Variants in ROR1 observed in about 807,000 individuals in gnomAD.
ROR1 encodes the protein inactive tyrosine-protein kinase transmembrane receptor ROR1.
Under a neutral mutation model 78.8 loss-of-function variants are expected in ROR1, and 19 were observed. The ratio of observed to expected loss-of-function variants is 0.24; its 90% confidence interval spans 0.17 to 0.35. The LOEUF (loss-of-function observed/expected upper bound fraction) is 0.35. Among genes scored for constraint, ROR1 ranks in the 10% least tolerant of loss-of-function variants. The pLI, the probability that ROR1 is intolerant of heterozygous loss-of-function variation, is 1.00. For missense variants in ROR1, 917 were observed against 1,177.8 expected (o/e 0.78, Z 3.24); for synonymous variants, 386 against 433.6 (o/e 0.89, Z 1.36).
intron 1 of ROR1, among the ~76,000 whole-genome samples, chr1:63,821,080 T>C (rs1346460198): frequency 6.6e-6 from 1 of 152,210 alleles, no homozygotes; most frequent in Non-Finnish European, 1.5e-5. Context: ...CACAGCCCTT[T>C]TTATTCTCAA....
intron 1 of ROR1, among the ~76,000 whole-genome samples, chr1:63,889,964 T>G (rs1342712012): frequency 6.6e-6 from 1 of 152,158 alleles, no homozygotes; most frequent in Non-Finnish European, 1.5e-5. Flanking sequence ...GGTTGGTGTA[T>G]AGATGGTGTT....
chr1:63,891,645 A>T (rs1645397029), intron 1 of ROR1, among the ~76,000 whole-genome samples: 1 of 152,142 alleles, frequency 6.6e-6, no homozygotes, highest in African/African-American at 2.4e-5. Context: ...CTGCCCTCAG[A>T]TATTCATGCC....
At chr1:63,885,053 G>C (rs1364820694) in intron 1 of ROR1, among the ~76,000 whole-genome samples, 1 of 152,090 alleles carries the variant, frequency 6.6e-6, no homozygotes, top group Non-Finnish European at 1.5e-5. Flanking sequence ...TTATCTCCTA[G>C]ATTTATTGTA....
intron 1 of ROR1, among the ~76,000 whole-genome samples, chr1:63,792,304 A>G (rs1165798252): frequency 6.6e-6 from 1 of 152,200 alleles, no homozygotes; most frequent in African/African-American, 2.4e-5. Context: ...TATAGAGTCT[A>G]TACTGTGTGC....
chr1:63,860,812 A>G (rs940805362), intron 1 of ROR1, among the ~76,000 whole-genome samples: 1 of 151,964 alleles, frequency 6.6e-6, no homozygotes, highest in Non-Finnish European at 1.5e-5. Context: ...ATGGAAGGGT[A>G]CAATCTGGTG....
At chr1:63,853,978 T>G (rs1290519711) in intron 1 of ROR1, among the ~76,000 whole-genome samples, 1 of 152,212 alleles carries the variant, frequency 6.6e-6, no homozygotes, top group Non-Finnish European at 1.5e-5. Context: ...TAACTAATGC[T>G]GCTGTGACTG....
At chr1:63,782,603 G>A (rs925380205) in intron 1 of ROR1, among the ~76,000 whole-genome samples, 2 of 148,712 alleles carry the variant, frequency 1.3e-5, no homozygotes, top group African/African-American at 5.1e-5. Context: ...ACTAACATGA[G>A]GTTGTAAATC....
chr1:64,058,491 T>C lies in ROR1; in HGVS notation c.482+7775T>C, dbSNP rs376782090. Among the ~76,000 whole-genome samples the C allele has an allele frequency of 1.2e-3, 178 of 152,164 alleles. 1 individual carries two copies. The highest frequency in any genetic ancestry group is 4.0e-3 in the African/African-American group (166 of 41,540). On this transcript the variant is annotated intron_variant, in intron 4 of 8. Coordinates refer to ENST00000371079, the MANE Select transcript of ROR1 (RefSeq NM_005012.4). ...TTTCCATAGATGCCACTTATTAGAT[T>C]GAGAAAATTCCCTATTATTCCTATT...
At chr1:63,854,341 C>G (rs1645135016) in intron 1 of ROR1, among the ~76,000 whole-genome samples, 1 of 152,190 alleles carries the variant, frequency 6.6e-6, no homozygotes, top group Non-Finnish European at 1.5e-5. Context: ...GCATTTTCTT[C>G]CTCCTGTGTA....
At chr1:63,895,178 G>T (rs6676432) in intron 1 of ROR1, among the ~76,000 whole-genome samples, 8,247 of 152,174 alleles carry the variant, frequency 0.054, 754 homozygotes, top group African/African-American at 0.19. Flanking sequence ...TTTAATGGCG[G>T]GATAGTTGGC....
At chr1:63,868,178 G>A (rs1645228985) in intron 1 of ROR1, among the ~76,000 whole-genome samples, 1 of 152,092 alleles carries the variant, frequency 6.6e-6, no homozygotes, top group Non-Finnish European at 1.5e-5. Flanking sequence ...CCAACGCTAT[G>A]ACAATTGCTC....
chr1:64,024,944 G>C (rs1185953198), intron 2 of ROR1, among the ~76,000 whole-genome samples: 2 of 151,914 alleles, frequency 1.3e-5, no homozygotes, highest in African/African-American at 4.8e-5. Context: ...CTGATCTTTT[G>C]TTTGAAATCT....
At chr1:63,870,673 G>A (rs544525669) in intron 1 of ROR1, among the ~76,000 whole-genome samples, 1 of 152,300 alleles carries the variant, frequency 6.6e-6, no homozygotes, top group South Asian at 2.1e-4. Flanking sequence ...TGTTCTTGCT[G>A]TCTCTGTCTG....
chr1:64,071,393 G>T (rs1015943071), intron 4 of ROR1, among the ~76,000 whole-genome samples: 1 of 152,192 alleles, frequency 6.6e-6, no homozygotes, highest in Non-Finnish European at 1.5e-5. Context: ...CCAGGTCGGG[G>T]TAGGTGAGTT....
chr1:63,832,124 C>A (rs1644992356), intron 1 of ROR1, among the ~76,000 whole-genome samples: 1 of 152,134 alleles, frequency 6.6e-6, no homozygotes, highest in Admixed American at 6.6e-5. Flanking sequence ...CCTCATTGTC[C>A]ATATCACAAT....
At chr1:63,909,545 A>G (rs1344177919) in intron 1 of ROR1, among the ~76,000 whole-genome samples, 1 of 152,006 alleles carries the variant, frequency 6.6e-6, no homozygotes, top group African/African-American at 2.4e-5. Flanking sequence ...TTTACCCTCA[A>G]CTTGACCTTC....
rs138572562 is a variant in ROR1 at position 63,969,864 on chromosome 1, A to G, written c.92-39441A>G. Among the ~76,000 whole-genome samples, 897 of 152,260 alleles carry G rather than the reference A, an allele frequency of 5.9e-3. 9 individuals carry two copies. The highest frequency in any genetic ancestry group is 0.021 in the African/African-American group (867 of 41,546). ...CTCTGATCACATGACTCCTCTGCAC[A>G]GTGCCTCCTGCCTGGCTGCCCACTG... On this transcript the variant is annotated intron_variant, in intron 1 of 8. Coordinates refer to ENST00000371079, the MANE Select transcript of ROR1 (RefSeq NM_005012.4).
intron 1 of ROR1, among the ~76,000 whole-genome samples, chr1:63,837,980 C>G (rs1370853445): frequency 6.6e-6 from 1 of 152,084 alleles, no homozygotes; most frequent in Non-Finnish European, 1.5e-5. Context: ...AGCTGAAAAA[C>G]TCCTAGAGAG....
chr1:63,929,955 G>A (rs1346029991), intron 1 of ROR1, among the ~76,000 whole-genome samples: 1 of 152,166 alleles, frequency 6.6e-6, no homozygotes, highest in Non-Finnish European at 1.5e-5. Context: ...TGTAGACAGA[G>A]TGTTAGGACT....
Sources: allele counts gnomAD v4.1 joint callset (sites outside exome capture counted in the v4.1 genomes callset), GRCh38; gene constraint gnomAD v4.1.1; transcripts MANE v1.5; gene names NCBI Gene and HGNC (gene_info 2026-07-23, HGNC 2026-07-21).